The following SEMA3A variants were observed in gnomAD, a reference collection of about 807,000 sequenced individuals.
The protein encoded by SEMA3A is semaphorin 3A, also known as semaphorin-3A.
A neutral mutation model predicts 97.9 loss-of-function variants in SEMA3A; 29 were observed. The observed-to-expected ratio is 0.30, with a 90% CI of 0.22 to 0.40. SEMA3A has a LOEUF of 0.40. SEMA3A is among the 10% of genes least tolerant of loss of function. The pLI is 1.00. For synonymous variants in SEMA3A, 321 were observed against 323.7 expected (o/e 0.99, Z 0.09); for missense variants, 763 against 951.3 (o/e 0.80, Z 2.60).
At chr7:83,965,627 C>CATATATATATATATATATATAT (rs869210450) in intron 15 of SEMA3A, among the ~76,000 whole-genome samples, 1 of 25,496 alleles carries the variant, frequency 3.9e-5, no homozygotes, top group Non-Finnish European at 6.4e-5. Context: ...CCAATGGGTG[C>CATATATATATATATATATATAT]ATATATATAT....
intron 3 of SEMA3A, among the ~76,000 whole-genome samples, chr7:84,204,369 T>A (rs2116304793): frequency 6.6e-6 from 1 of 152,274 alleles, no homozygotes; most frequent in Admixed American, 6.5e-5. Context: ...GGCTGTCAAA[T>A]GGGATATATT....
intron 5 of SEMA3A, among the ~76,000 whole-genome samples, chr7:84,055,938 A>G (rs1468603419): frequency 1.3e-5 from 2 of 152,234 alleles, no homozygotes; most frequent in African/African-American, 2.4e-5. Flanking sequence ...ATTTTATTAA[A>G]TTGATGGTAG....
At chr7:84,366,918 A>G (rs1557790) in intron 2 of SEMA3A, among the ~76,000 whole-genome samples, 50,514 of 150,952 alleles carry the variant, frequency 0.33, 9,019 homozygotes, top group East Asian at 0.59. Flanking sequence ...ATAGGCAGAT[A>G]TCTGAGAGTT....
chr7:84,201,249 T>A (rs912675870), intron 3 of SEMA3A, among the ~76,000 whole-genome samples: 2 of 152,092 alleles, frequency 1.3e-5, no homozygotes, highest in Non-Finnish European at 2.9e-5. Context: ...TCTTAAATGT[T>A]TTTAATGAGC....
chr7:84,065,284 A>C (rs1331964236), intron 4 of SEMA3A, among the ~76,000 whole-genome samples: 7 of 122,450 alleles, frequency 5.7e-5, no homozygotes, highest in African/African-American at 2.0e-4. Context: ...GTAGAGGGAA[A>C]TTTATAGCAC....
At chr7:83,972,322 G>A (rs1000277638) in intron 15 of SEMA3A, among the ~76,000 whole-genome samples, 29 of 151,768 alleles carry the variant, frequency 1.9e-4, no homozygotes, top group Admixed American at 1.9e-3. Context: ...TGGGTAATAT[G>A]CTTCGTATAG....
At chr7:84,440,547 T>C (rs1242186140) in intron 1 of SEMA3A, among the ~76,000 whole-genome samples, 2 of 152,156 alleles carry the variant, frequency 1.3e-5, no homozygotes, top group African/African-American at 2.4e-5. Flanking sequence ...TTTTTTCTTT[T>C]TGTTTTGAGC....
intron 1 of SEMA3A, among the ~76,000 whole-genome samples, chr7:84,384,692 G>C (rs2116153062): frequency 6.6e-6 from 1 of 152,236 alleles, no homozygotes; most frequent in Non-Finnish European, 1.5e-5. Context: ...TAGAACAAGA[G>C]AGATATTGAA....
At chr7:84,257,924 C>T (rs1043876314) in intron 3 of SEMA3A, among the ~76,000 whole-genome samples, 3 of 152,104 alleles carry the variant, frequency 2.0e-5, no homozygotes, top group African/African-American at 7.2e-5. Flanking sequence ...CTATATTAGA[C>T]ATATAAACAG....
At chr7:83,985,684 T>A (rs777506723) in intron 12 of SEMA3A, among the ~76,000 whole-genome samples, 1 of 152,202 alleles carries the variant, frequency 6.6e-6, no homozygotes, top group African/African-American at 2.4e-5. Context: ...GTCAGTGTCA[T>A]ACAGTCTACA....
intron 1 of SEMA3A, among the ~76,000 whole-genome samples, chr7:84,488,658 A>G (rs542267267): frequency 9.9e-5 from 15 of 152,252 alleles, no homozygotes; most frequent in African/African-American, 3.6e-4. Context: ...GAAATGAGTG[A>G]GAGTTGAAGG....
chr7:84,468,389 A>G (rs1374741356), intron 1 of SEMA3A, among the ~76,000 whole-genome samples: 1 of 152,188 alleles, frequency 6.6e-6, no homozygotes, highest in Non-Finnish European at 1.5e-5. Context: ...TGTAATGGTT[A>G]TAACTACACT....
chr7:84,029,806 CAT>C (rs200455553), intron 6 of SEMA3A, among the ~76,000 whole-genome samples: 13 of 86,534 alleles, frequency 1.5e-4, no homozygotes, highest in African/African-American at 5.0e-4. Flanking sequence ...ACATCCCTTC[CAT>C]ATACACACAC....
At chr7:84,180,381 A>G (rs1468264515) in intron 1 of SEMA3A, among the ~76,000 whole-genome samples, 2 of 151,824 alleles carry the variant, frequency 1.3e-5, no homozygotes, top group Non-Finnish European at 2.9e-5. Flanking sequence ...AAAATTTTGT[A>G]TTTTTTAAAA....
chr7:84,364,089 G>T (rs1299004219), intron 2 of SEMA3A, among the ~76,000 whole-genome samples: 1 of 138,562 alleles, frequency 7.2e-6, no homozygotes, highest in African/African-American at 2.8e-5. Flanking sequence ...ATATGTATTG[G>T]TTAACATATG....
intron 2 of SEMA3A, among the ~76,000 whole-genome samples, chr7:84,361,709 A>C (rs1293530319): frequency 6.6e-6 from 1 of 152,060 alleles, no homozygotes; most frequent in Non-Finnish European, 1.5e-5. Flanking sequence ...AGTACATTGA[A>C]CTAGGGGAAT....
intron 3 of SEMA3A, among the ~76,000 whole-genome samples, chr7:84,202,959 G>T (rs1798392095): frequency 6.6e-6 from 1 of 151,834 alleles, no homozygotes; most frequent in African/African-American, 2.4e-5. Flanking sequence ...TAATTCCTGT[G>T]TTGTTTTTCA....
intron 1 of SEMA3A, among the ~76,000 whole-genome samples, chr7:84,139,810 G>A (rs956238928): frequency 5.9e-5 from 9 of 151,928 alleles, no homozygotes; most frequent in Non-Finnish European, 8.8e-5. Flanking sequence ...TTAAGAGTAT[G>A]TTACAACAGA....
chr7:84,013,706 C>G (rs3779439), intron 7 of SEMA3A, among the ~76,000 whole-genome samples: 25,990 of 151,900 alleles, frequency 0.17, 3,189 homozygotes, highest in African/African-American at 0.35. Context: ...ACTTAGCTAG[C>G]CATGATGGCA....
Sources: gnomAD v4.1 joint callset for allele counts (sites outside exome capture counted in the v4.1 genomes callset) on GRCh38, gnomAD v4.1.1 for gene constraint, MANE v1.5 for transcripts, NCBI Gene and HGNC (gene_info 2026-07-23, HGNC 2026-07-21) for gene names.